Variants in SLC7A5 observed in about 807,000 individuals in gnomAD.
SLC7A5 encodes large neutral amino acids transporter small subunit 1.
SLC7A5 carries 23 observed loss-of-function variants against 50.2 expected under a neutral mutation model. The observed-to-expected ratio is 0.46, with a 90% CI of 0.33 to 0.65. SLC7A5 has a LOEUF of 0.65. SLC7A5 is among the 30% of genes least tolerant of loss of function. SLC7A5 has a pLI of 0.02. For synonymous variants in SLC7A5, 393 were observed against 330.6 expected (o/e 1.19, Z -2.05); for missense variants, 578 against 684.4 (o/e 0.84, Z 1.73).
Position 87,833,275 on chromosome 16 carries a change from C to T in SLC7A5, c.1469-250G>A, listed in dbSNP as rs374593526. 4.5e-4 allele frequency among the ~76,000 whole-genome samples: 68 copies of T among 152,364 alleles called. No individual in the cohort carries two copies. The South Asian group carries it at 0.014, about 31-fold the overall frequency. Reference sequence around the variant, plus strand: ...CCCACCCCTCGCCTGCTTCAGAACCCTGGGGAGGCAGAGTGCGGCCCCTGG... The same window carrying T: ...CCCACCCCTCGCCTGCTTCAGAACCTTGGGGAGGCAGAGTGCGGCCCCTGG... On this transcript the variant is annotated intron_variant, in intron 9 of 9. Coordinates refer to ENST00000261622, the MANE Select transcript of SLC7A5 (RefSeq NM_003486.7). This position sits in a 1 kb window ranked among gnomAD's most constrained non-coding sequence, Gnocchi z 6.0.
intron 4 of SLC7A5, 54 bp from the exon 5 acceptor site, chr16:87,839,879 A>G: frequency 5.0e-6 from 8 of 1,609,616 alleles, no homozygotes; most frequent in Non-Finnish European, 6.8e-6. Flanking sequence ...TGAAGGCCAA[A>G]CCCTGTGCCC....
intron 4 of SLC7A5, among the ~76,000 whole-genome samples, chr16:87,840,117 C>T (rs1176485552): frequency 1.3e-5 from 2 of 152,242 alleles, no homozygotes; most frequent in Non-Finnish European, 2.9e-5. Context: ...AGTCAGGCCA[C>T]CTGGTCTGAA....
chr16:87,860,202 G>A lies in SLC7A5; in HGVS notation c.539-8353C>T, dbSNP rs2055373232. 6.6e-6 allele frequency among the ~76,000 whole-genome samples: 1 copy of A among 151,616 alleles called. No individual in the cohort carries two copies. Among genetic ancestry groups the A allele is most frequent in the Non-Finnish European group, 1.5e-5 (1 of 67,912 alleles). On this transcript the variant is annotated intron_variant, in intron 1 of 9. Transcript: ENST00000261622. The surrounding 1 kb of genome is among the most constrained non-coding windows in gnomAD (Gnocchi z 4.8). ...CACAAAATTAGCTGGGCATGGTGGT[G>A]CATGCCTGTAGTCCCAGCTACTCGG...
chr16:87,855,740 C>T (rs2055309259), intron 1 of SLC7A5, among the ~76,000 whole-genome samples: 1 of 151,956 alleles, frequency 6.6e-6, no homozygotes, highest in African/African-American at 2.4e-5. Flanking sequence ...GGGGGAAGGG[C>T]CAGTAACAGG....
rs1004498085 is a variant in SLC7A5, at chr16:87,833,207, C to T, written c.1469-182G>A. On this transcript the variant is annotated intron_variant, in intron 9 of 9. Transcript: ENST00000261622. The surrounding 1 kb of genome is among the most constrained non-coding windows in gnomAD (Gnocchi z 6.0). ...GCATGTGGGTGCCGGGTGCCCGAGGCGCTGTCTTCAACTGAAATGCGGAAG... is the reference window on the plus strand; with the variant it reads ...GCATGTGGGTGCCGGGTGCCCGAGGTGCTGTCTTCAACTGAAATGCGGAAG... Among the ~76,000 whole-genome samples, 1 of 152,234 alleles carries T rather than the reference C, an allele frequency of 6.6e-6. No individual in the cohort carries two copies. Among genetic ancestry groups the T allele is most frequent in the Non-Finnish European group, 1.5e-5 (1 of 68,026 alleles).
intron 2 of SLC7A5, among the ~76,000 whole-genome samples, chr16:87,842,803 C>T (rs1286655813): frequency 3.3e-5 from 5 of 152,242 alleles, no homozygotes; most frequent in Non-Finnish European, 7.3e-5. Flanking sequence ...CGGAGCTTGA[C>T]TCTGCAGGCC....
chr16:87,837,951 G>A lies in SLC7A5; in HGVS notation c.1044-10C>T. 2 of 1,593,078 alleles carry A rather than the reference G, an allele frequency of 1.3e-6. No individual in the cohort carries two copies. The highest frequency in any genetic ancestry group is 1.3e-5 in the African/African-American group (1 of 74,916). ...CCCCACGAAGAAGAGCCTGTGGACA[G>A]ACAAGAGTGGCAGAGTCAGCCACCG... On this transcript the variant is annotated splice_polypyrimidine_tract_variant and intron_variant, in intron 6 of 9. Coordinates refer to ENST00000261622, the MANE Select transcript of SLC7A5 (RefSeq NM_003486.7).
rs1289325942 is a variant in SLC7A5, at chr16:87,861,460, G to C, written c.538+7425C>G. Reference sequence around the variant, plus strand: ...GATGACAAATGGTGGCCTCAGTGTAGAGGTGGGCACTGTGGCCCCTGGCTC... The same window carrying C: ...GATGACAAATGGTGGCCTCAGTGTACAGGTGGGCACTGTGGCCCCTGGCTC... On this transcript the variant is annotated intron_variant, in intron 1 of 9. Coordinates refer to ENST00000261622, the MANE Select transcript of SLC7A5 (RefSeq NM_003486.7). The surrounding 1 kb of genome is among the most constrained non-coding windows in gnomAD (Gnocchi z 4.2). Among the ~76,000 whole-genome samples the C allele has an allele frequency of 2.0e-5, 3 of 152,170 alleles. No individual in the cohort carries two copies. The highest frequency in any genetic ancestry group is 7.2e-5 in the African/African-American group (3 of 41,440).
rs7187855 is a variant in SLC7A5 at position 87,860,145 on chromosome 16, C to A, written c.539-8296G>T. Among the ~76,000 whole-genome samples, 18,630 of 151,836 alleles carry A rather than the reference C, an allele frequency of 0.12. 2,031 individuals are homozygous for A. The highest frequency in any genetic ancestry group is 0.3 in the African/African-American group (12,261 of 41,314). The stretch of plus-strand genomic sequence containing the variant: ...ATCAAGAGTTCGAAACCAGCCTGAC[C>A]AACATGGTGAAACCCCCGTCTCTAC... On this transcript the variant is annotated intron_variant, in intron 1 of 9. Coordinates refer to ENST00000261622, the MANE Select transcript of SLC7A5 (RefSeq NM_003486.7). This position sits in a 1 kb window ranked among gnomAD's most constrained non-coding sequence, Gnocchi z 4.8.
At chr16:87,842,751 T>C (rs959141337) in intron 2 of SLC7A5, among the ~76,000 whole-genome samples, 1 of 152,216 alleles carries the variant, frequency 6.6e-6, no homozygotes, top group African/African-American at 2.4e-5. Context: ...CAGGGCCCAC[T>C]GCCTGCGTGT....
At chr16:87,866,116 G>A (rs867977592) in intron 1 of SLC7A5, among the ~76,000 whole-genome samples, 1 of 152,032 alleles carries the variant, frequency 6.6e-6, no homozygotes, top group East Asian at 1.9e-4. Context: ...GGGGTGCGGT[G>A]AGCACACTTG....
chr16:87,837,139 T>C (rs1266230684), intron 7 of SLC7A5, among the ~76,000 whole-genome samples: 4 of 151,690 alleles, frequency 2.6e-5, no homozygotes, highest in Admixed American at 2.6e-4. Flanking sequence ...AGGGAAGGAG[T>C]AGTAAGCAAG....
intron 2 of SLC7A5, among the ~76,000 whole-genome samples, chr16:87,845,314 A>G (rs1255503204): frequency 6.6e-6 from 1 of 152,214 alleles, no homozygotes; most frequent in Non-Finnish European, 1.5e-5. Flanking sequence ...TGTGAGTCCC[A>G]TGTGGTCAGC....
At chr16:87,844,112 T>G (rs534963559) in intron 2 of SLC7A5, among the ~76,000 whole-genome samples, 1 of 150,506 alleles carries the variant, frequency 6.6e-6, no homozygotes, top group African/African-American at 2.5e-5. Context: ...GGACAGACGG[T>G]GACATCTGCC....
intron 3 of SLC7A5, 101 bp from the exon 4 acceptor site, chr16:87,840,574 G>A (rs931738417): frequency 1.3e-5 from 13 of 1,026,896 alleles, no homozygotes; most frequent in Admixed American, 1.2e-4. Context: ...CCTGCCCCCC[G>A]GTGGTCTGCT....
intron 8 of SLC7A5, among the ~76,000 whole-genome samples, chr16:87,835,475 G>A (rs2054987388): frequency 6.6e-6 from 1 of 152,220 alleles, no homozygotes; most frequent in South Asian, 2.1e-4. Flanking sequence ...TGTGCTGACT[G>A]TATTTTAAAG....
In SLC7A5 at chr16:87,839,756, G is replaced by A. The variant is rs1358826631; in HGVS notation, c.885C>T (p.Ala295=). Residue 295 remains alanine, a synonymous_variant, in exon 5 of 10, where the codon GCC becomes GCT. Transcript: ENST00000261622. ...GCTCGGTGGACAGGGTGGTGAAGTA[G>A]GCCAGGTTGGTCAGCACGTACACCA... ...VTLVYVLTNL[A]YFTTLSTEQM... is the part of the protein sequence containing the mutation. The A allele has an allele frequency of 8.1e-6, 13 of 1,613,806 alleles. No homozygotes were observed. Among genetic ancestry groups the A allele is most frequent in the Non-Finnish European group, 1.1e-5 (13 of 1,180,000 alleles).
intron 1 of SLC7A5, among the ~76,000 whole-genome samples, chr16:87,864,371 C>T (rs2055436714): frequency 6.6e-6 from 1 of 152,132 alleles, no homozygotes; most frequent in African/African-American, 2.4e-5. Flanking sequence ...GGAGCAATGT[C>T]CACAGATCAA....
intron 2 of SLC7A5, among the ~76,000 whole-genome samples, chr16:87,846,893 T>C (rs1215990853): frequency 6.6e-6 from 1 of 152,142 alleles, no homozygotes; most frequent in Non-Finnish European, 1.5e-5. Flanking sequence ...GAGCCTGGCC[T>C]CCTCCCTGCA....
Sources: gnomAD v4.1 joint callset for allele counts (sites outside exome capture counted in the v4.1 genomes callset) on GRCh38, gnomAD v4.1.1 for gene constraint, Gnocchi (gnomAD v3.1) non-coding constraint, MANE v1.5 for transcripts, NCBI Gene and HGNC (gene_info 2026-07-23, HGNC 2026-07-21) for gene names.